The following CCDC192 variants were observed in gnomAD, a reference collection of about 807,000 sequenced individuals.
CCDC192 encodes coiled-coil domain containing 192.
intron 2 of CCDC192, among the ~76,000 whole-genome samples, chr5:127,709,362 T>C (rs553632498): frequency 3.9e-5 from 6 of 152,142 alleles, no homozygotes; most frequent in Admixed American, 6.5e-5. Context: ...ACTGCCTCCA[T>C]GATCCAATCA....
chr5:127,758,963 G>A (rs1435259882), intron 3 of CCDC192, among the ~76,000 whole-genome samples: 1 of 152,228 alleles, frequency 6.6e-6, no homozygotes, highest in Non-Finnish European at 1.5e-5. Flanking sequence ...CCAGATGCAT[G>A]CCAACATAGA....
At chr5:127,861,102 G>C (rs568118153) in intron 5 of CCDC192, among the ~76,000 whole-genome samples, 1 of 151,746 alleles carries the variant, frequency 6.6e-6, no homozygotes, top group Non-Finnish European at 1.5e-5. Flanking sequence ...TTCACCTTTC[G>C]GGTTCAAGCA....
At chr5:127,897,523 A>G (rs1270035777) in intron 6 of CCDC192, among the ~76,000 whole-genome samples, 2 of 152,226 alleles carry the variant, frequency 1.3e-5, no homozygotes, top group African/African-American at 4.8e-5. Flanking sequence ...AAAAGCAGGC[A>G]TATGTAACCA....
chr5:127,785,953 T>C (rs116345828), intron 3 of CCDC192: 24 of 522,204 alleles, frequency 4.6e-5, no homozygotes, highest in Admixed American at 8.3e-5. Flanking sequence ...CTTCTGTACA[T>C]ACATTTTGGG....
At chr5:127,869,532 C>T (rs1189675475) in intron 5 of CCDC192, among the ~76,000 whole-genome samples, 2 of 152,152 alleles carry the variant, frequency 1.3e-5, no homozygotes, top group East Asian at 1.9e-4. Flanking sequence ...AAAGTTCTAT[C>T]TTATCACTGG....
chr5:127,707,616 T>C (rs191752459), intron 1 of CCDC192, 93 bp from the exon 2 acceptor site: 1 of 393,846 alleles, frequency 2.5e-6, no homozygotes, highest in East Asian at 3.6e-5. Flanking sequence ...TGTTACAGTG[T>C]AATGATCTAT....
chr5:127,832,931 T>C lies in CCDC192; in HGVS notation c.411+34769T>C, dbSNP rs147501845. ...AACTGTAGCCAGAATAGCTAACCTT[T>C]TCAAGCAATTATAATATTCTCCTCT... is the stretch of plus-strand genomic sequence containing the variant. On this transcript the variant is annotated intron_variant, in intron 5 of 6. Transcript: ENST00000514853. 2.3e-3 allele frequency among the ~76,000 whole-genome samples: 348 copies of C among 152,310 alleles called. 5 individuals carry two copies. Among genetic ancestry groups the C allele is most frequent in the Admixed American group, 0.02 (302 of 15,296 alleles).
chr5:127,919,029 A>G (rs13153917), intron 6 of CCDC192, among the ~76,000 whole-genome samples: 27 of 149,356 alleles, frequency 1.8e-4, no homozygotes, highest in Admixed American at 1.5e-3. Flanking sequence ...GTGTATGTGT[A>G]TATATGTGTG....
At chr5:127,918,809 A>ATG (rs1344343602) in intron 6 of CCDC192, among the ~76,000 whole-genome samples, 1 of 151,380 alleles carries the variant, frequency 6.6e-6, no homozygotes, top group South Asian at 2.1e-4. Flanking sequence ...GCGTGTGTGT[A>ATG]TGTGTGTGTG....
At chr5:127,747,069 CTTTT>C (rs34542436) in intron 2 of CCDC192, among the ~76,000 whole-genome samples, 1 of 142,600 alleles carries the variant, frequency 7.0e-6, no homozygotes, top group Non-Finnish European at 1.6e-5. Flanking sequence ...GCAGTTCATT[CTTTT>C]TTTTTTTTAT....
intron 6 of CCDC192, among the ~76,000 whole-genome samples, chr5:127,908,457 C>T (rs868676523): frequency 1.6e-4 from 24 of 152,170 alleles, no homozygotes; most frequent in South Asian, 8.3e-4. Context: ...TACTATAAGT[C>T]ATTCTTTTAC....
At chr5:127,709,236 A>G (rs1423975630) in intron 2 of CCDC192, among the ~76,000 whole-genome samples, 1 of 97,838 alleles carries the variant, frequency 1.0e-5, no homozygotes, top group East Asian at 2.6e-4. Context: ...AGAGAGAGAG[A>G]GAGAGAGAGA....
rs143389148 is a variant in CCDC192 at position 127,830,808 on chromosome 5, A to G, written c.411+32646A>G. ...AGTTTCCTTCTACCCCTGTGACTTTATAATCTACAAATGAACTAAAAAACG... is the reference window on the plus strand; with the variant it reads ...AGTTTCCTTCTACCCCTGTGACTTTGTAATCTACAAATGAACTAAAAAACG... On this transcript the variant is annotated intron_variant, in intron 5 of 6. Coordinates refer to ENST00000514853, the MANE Select transcript of CCDC192 (RefSeq NM_001317938.2). Among the ~76,000 whole-genome samples the G allele has an allele frequency of 3.3e-3, 496 of 151,976 alleles. 2 individuals carry two copies. The highest frequency in any genetic ancestry group is 0.011 in the African/African-American group (466 of 41,494).
chr5:127,898,882 T>C (rs2409033), intron 6 of CCDC192, among the ~76,000 whole-genome samples: 110,468 of 152,026 alleles, frequency 0.73, 40,750 homozygotes, highest in African/African-American at 0.87. Flanking sequence ...GGCTCTAAGG[T>C]ACACAAGTCA....
At chr5:127,858,822 T>A (rs897446776) in intron 5 of CCDC192, among the ~76,000 whole-genome samples, 6 of 152,108 alleles carry the variant, frequency 3.9e-5, no homozygotes, top group African/African-American at 1.4e-4. Context: ...AATTTGCAGC[T>A]GTATTCAGAA....
intron 3 of CCDC192, among the ~76,000 whole-genome samples, chr5:127,780,212 T>C (rs1047123954): frequency 2.0e-5 from 3 of 152,172 alleles, no homozygotes; most frequent in East Asian, 1.9e-4. Flanking sequence ...CACTCATTGA[T>C]TGATGAGCAT....
chr5:127,927,236 A>G (rs1024138882), intron 6 of CCDC192, among the ~76,000 whole-genome samples: 7 of 152,048 alleles, frequency 4.6e-5, no homozygotes, highest in African/African-American at 1.4e-4. Context: ...AGAGAGAGAG[A>G]GATCATGTTC....
chr5:127,880,553 GT>G (rs1045509343), intron 6 of CCDC192, among the ~76,000 whole-genome samples: 1 of 151,170 alleles, frequency 6.6e-6, no homozygotes, highest in African/African-American at 2.4e-5. Flanking sequence ...GTATACATAT[GT>G]AACTAACCTG....
chr5:127,744,245 C>T (rs1267490248), intron 2 of CCDC192, among the ~76,000 whole-genome samples: 4 of 151,412 alleles, frequency 2.6e-5, no homozygotes, highest in Non-Finnish European at 4.4e-5. Flanking sequence ...GGGTGAGGGG[C>T]TGAGGCATGG....
Sources: gnomAD v4.1 joint callset for allele counts (sites outside exome capture counted in the v4.1 genomes callset) on GRCh38, gnomAD v4.1.1 for gene constraint, MANE v1.5 for transcripts, NCBI Gene and HGNC (gene_info 2026-07-23, HGNC 2026-07-21) for gene names.